The following MAN2A1 variants were observed in gnomAD, a reference collection of about 807,000 sequenced individuals.
The protein encoded by MAN2A1 is alpha-mannosidase 2.
MAN2A1 carries 76 observed loss-of-function variants against 142.6 expected under a neutral mutation model. That is an observed-to-expected ratio of 0.53 (90% CI 0.44 to 0.65). The LOEUF (loss-of-function observed/expected upper bound fraction) is 0.65, where lower values mean the gene tolerates loss of function less well. Among genes scored for constraint, MAN2A1 ranks in the 30% least tolerant of loss-of-function variants. The pLI, the probability that MAN2A1 is intolerant of heterozygous loss-of-function variation, is 0.00. For missense variants in MAN2A1, 1,311 were observed against 1,365.1 expected, an observed-to-expected ratio of 0.96 and a Z score of 0.62; for synonymous variants, 559 against 473.2, an observed-to-expected ratio of 1.18 and a Z score of -2.35.
intron 1 of MAN2A1, among the ~76,000 whole-genome samples, chr5:109,703,049 G>A (rs1310283282): frequency 6.6e-6 from 1 of 152,174 alleles, no homozygotes; most frequent in African/African-American, 2.4e-5. Context: ...GTATAAATAA[G>A]GTTGAAGGGG....
At position 109,842,503 on chromosome 5, in the gene MAN2A1, T is replaced by G. The variant is rs746825399; in HGVS notation, c.2700+42T>G. ...AATGTTTAAGTAATGGTTGTATTGG[T>G]GTGTAATTCTTATATATAACAATGG... On this transcript the variant is annotated intron_variant, in intron 17 of 21. Coordinates refer to ENST00000261483, the MANE Select transcript of MAN2A1 (RefSeq NM_002372.4). 3 of 1,344,924 alleles carry G rather than the reference T, an allele frequency of 2.2e-6. No homozygotes were observed. The Admixed American group carries it at 6.8e-5, about 30-fold the overall frequency. 83.3% of individuals were successfully genotyped at this position (1,344,924 alleles called of 1,614,324 possible). A position where few individuals can be genotyped will look rare whatever the true frequency, so the allele number is the denominator to read the frequency against.
At position 109,690,365 on chromosome 5, in the gene MAN2A1, C is replaced by T; in HGVS notation, c.-53C>T. On this transcript the variant is annotated 5_prime_UTR_variant, in exon 1 of 22. Coordinates refer to ENST00000261483, the MANE Select transcript of MAN2A1 (RefSeq NM_002372.4). ...CGGCTGCTTCCTAGAGTCCACAGTG[C>T]GCTGTCTCCTTTGGCTGAGGAGAGT... The T allele has an allele frequency of 1.2e-6, 2 of 1,602,126 alleles. No individual in the cohort carries two copies. The highest frequency in any genetic ancestry group is 1.7e-4 in the Middle Eastern group (1 of 6,050).
chr5:109,740,301 A>C (rs1752230863), intron 4 of MAN2A1, among the ~76,000 whole-genome samples: 1 of 152,220 alleles, frequency 6.6e-6, no homozygotes, highest in Non-Finnish European at 1.5e-5. Flanking sequence ...AGCTGGGGCT[A>C]TGAGAAGATC....
At chr5:109,736,689 AT>A (rs1334595330) in intron 4 of MAN2A1, among the ~76,000 whole-genome samples, 1 of 151,864 alleles carries the variant, frequency 6.6e-6, no homozygotes, top group Non-Finnish European at 1.5e-5. Flanking sequence ...TGGGAATCTG[AT>A]TTTTTTCTTC....
At chr5:109,713,813 T>A in intron 2 of MAN2A1, 39 bp downstream of exon 2, 1 of 1,565,574 alleles carries the variant, frequency 6.4e-7, no homozygotes, top group Non-Finnish European at 8.7e-7. Flanking sequence ...GGCCTTTTTT[T>A]TTTTTTGTTC....
chr5:109,742,319 C>CTTG (rs1752291070), intron 4 of MAN2A1, among the ~76,000 whole-genome samples: 2 of 152,140 alleles, frequency 1.3e-5, no homozygotes, highest in Non-Finnish European at 2.9e-5. Context: ...AAAGGGGCTC[C>CTTG]AAATGTGTGC....
intron 4 of MAN2A1, among the ~76,000 whole-genome samples, chr5:109,740,650 T>G (rs911411899): frequency 5.9e-5 from 9 of 152,188 alleles, no homozygotes; most frequent in African/African-American, 2.2e-4. Context: ...AGTCTGTGAT[T>G]AGTATCTGTC....
intron 20 of MAN2A1, among the ~76,000 whole-genome samples, chr5:109,860,727 G>A (rs953449128): frequency 1.3e-5 from 2 of 152,228 alleles, no homozygotes; most frequent in Admixed American, 6.5e-5. Context: ...ACTGTCATGT[G>A]TGTATAATTT....
chr5:109,791,015 AAG>A (rs1394857996), intron 12 of MAN2A1, among the ~76,000 whole-genome samples: 1 of 152,124 alleles, frequency 6.6e-6, no homozygotes, highest in African/African-American at 2.4e-5. Context: ...ATATTAATGA[AAG>A]AGAAAAATAT....
intron 13 of MAN2A1, among the ~76,000 whole-genome samples, chr5:109,819,395 A>G (rs1298250718): frequency 6.6e-6 from 1 of 152,186 alleles, no homozygotes; most frequent in Admixed American, 6.5e-5. Context: ...ATCATCTCTA[A>G]ATTACTTGTA....
At chr5:109,695,810 G>T (rs944273546) in intron 1 of MAN2A1, among the ~76,000 whole-genome samples, 1 of 152,208 alleles carries the variant, frequency 6.6e-6, no homozygotes, top group Non-Finnish European at 1.5e-5. Flanking sequence ...AGGAGAGGAA[G>T]TAGGACATTT....
At chr5:109,850,039 TTAAAAGC>T (rs1755445051) in intron 19 of MAN2A1, among the ~76,000 whole-genome samples, 1 of 152,196 alleles carries the variant, frequency 6.6e-6, no homozygotes, top group African/African-American at 2.4e-5. Flanking sequence ...CTGGACCAGG[TTAAAAGC>T]CCTTCCCCTA....
At chr5:109,768,786 G>C (rs1753061722) in intron 6 of MAN2A1, among the ~76,000 whole-genome samples, 1 of 152,136 alleles carries the variant, frequency 6.6e-6, no homozygotes, top group Non-Finnish European at 1.5e-5. Flanking sequence ...ACAAGAACTT[G>C]TAGGGGATTG....
At chr5:109,810,123 C>CT (rs1465129022) in intron 12 of MAN2A1, among the ~76,000 whole-genome samples, 1 of 151,168 alleles carries the variant, frequency 6.6e-6, no homozygotes, top group Non-Finnish European at 1.5e-5. Flanking sequence ...TCATGTTTTT[C>CT]TCTTTCCTTG....
chr5:109,735,878 G>GTTT (rs35796131), intron 4 of MAN2A1, among the ~76,000 whole-genome samples: 7,150 of 98,044 alleles, frequency 0.073, 388 homozygotes, highest in African/African-American at 0.12. Flanking sequence ...TTCCATTGGA[G>GTTT]TTTTTTTTTT....
chr5:109,708,509 G>GAGACACACACACACACACACACAC (rs1554072321), intron 1 of MAN2A1, among the ~76,000 whole-genome samples: 24 of 124,608 alleles, frequency 1.9e-4, no homozygotes, highest in African/African-American at 7.2e-4. Context: ...GAACTGATAG[G>GAGACACACACACACACACACACAC]ACACACACAC....
intron 4 of MAN2A1, among the ~76,000 whole-genome samples, chr5:109,733,395 CTA>C (rs952350978): frequency 6.6e-6 from 1 of 152,164 alleles, no homozygotes; most frequent in East Asian, 1.9e-4. Context: ...ACTTCCAACA[CTA>C]TGTTGAATAG....
chr5:109,777,038 C>T (rs1321063275), intron 8 of MAN2A1, among the ~76,000 whole-genome samples: 1 of 152,044 alleles, frequency 6.6e-6, no homozygotes, highest in Non-Finnish European at 1.5e-5. Context: ...TTTTGTCTAT[C>T]ACAAATAAGT....
intron 16 of MAN2A1, among the ~76,000 whole-genome samples, chr5:109,835,408 G>C (rs1352875097): frequency 6.6e-6 from 1 of 152,212 alleles, no homozygotes; most frequent in Admixed American, 6.5e-5. Context: ...CTGAGAGCCA[G>C]TATTTTTAAG....
Sources: allele counts gnomAD v4.1 joint callset (sites outside exome capture counted in the v4.1 genomes callset), GRCh38; gene constraint gnomAD v4.1.1; transcripts MANE v1.5; gene names NCBI Gene and HGNC (gene_info 2026-07-23, HGNC 2026-07-21).